Variants in MYO16 observed in about 807,000 individuals in gnomAD.
The protein encoded by MYO16 is myosin XVI, also known as unconventional myosin-XVI.
In MYO16, 94 loss-of-function variants were observed where a neutral mutation model predicts 205.3. The observed-to-expected ratio is 0.46, with a 90% CI of 0.39 to 0.54. MYO16 has a LOEUF of 0.54. MYO16 is among the 20% of genes least tolerant of loss of function. The pLI is 0.00. For synonymous variants in MYO16, 988 were observed against 954.0 expected (o/e 1.04, Z -0.66); for missense variants, 2,315 against 2,387.5 (o/e 0.97, Z 0.63).
At chr13:108,890,398 TC>T (rs1318313713) in intron 14 of MYO16, among the ~76,000 whole-genome samples, 2 of 152,176 alleles carry the variant, frequency 1.3e-5, no homozygotes, top group Non-Finnish European at 2.9e-5. Context: ...TCTTTCTTTT[TC>T]CATCCTTGGC....
At chr13:108,758,150 C>T (rs1220973063) in intron 4 of MYO16, among the ~76,000 whole-genome samples, 1 of 152,086 alleles carries the variant, frequency 6.6e-6, no homozygotes, top group Admixed American at 6.6e-5. Context: ...AATCTTCAGG[C>T]GACTTGGTCT....
At chr13:109,012,394 C>T (rs1194951503) in intron 22 of MYO16, among the ~76,000 whole-genome samples, 1 of 152,110 alleles carries the variant, frequency 6.6e-6, no homozygotes, top group East Asian at 1.9e-4. Flanking sequence ...TCAGTGGCAG[C>T]ATTAGGTTCT....
intron 13 of MYO16, among the ~76,000 whole-genome samples, chr13:108,887,913 G>A (rs1461140790): frequency 6.6e-6 from 1 of 151,798 alleles, no homozygotes; most frequent in East Asian, 1.9e-4. Flanking sequence ...TTTTCCCAAG[G>A]CCATGTGTGA....
At chr13:108,752,249 C>T (rs1885259766) in intron 4 of MYO16, among the ~76,000 whole-genome samples, 1 of 152,102 alleles carries the variant, frequency 6.6e-6, no homozygotes, top group Non-Finnish European at 1.5e-5. Context: ...GACCAAGTCT[C>T]ATTGTGACTT....
chr13:108,665,600 A>G (rs1277125259), intron 1 of MYO16, among the ~76,000 whole-genome samples: 1 of 152,210 alleles, frequency 6.6e-6, no homozygotes, highest in Non-Finnish European at 1.5e-5. Flanking sequence ...TTTGGGATGG[A>G]TTGAAAGAAA....
intron 28 of MYO16, among the ~76,000 whole-genome samples, 183 bp downstream of exon 28, chr13:109,101,070 TC>T (rs1450333416): frequency 1.3e-5 from 2 of 152,166 alleles, no homozygotes; most frequent in African/African-American, 4.8e-5. Context: ...GATTTTAACA[TC>T]TTGCAGCCAA....
intron 20 of MYO16, among the ~76,000 whole-genome samples, chr13:108,979,844 A>G (rs1884393983): frequency 6.6e-6 from 1 of 152,174 alleles, no homozygotes. Context: ...CATACAGATT[A>G]TAATACTTAA....
intron 33 of MYO16, among the ~76,000 whole-genome samples, chr13:109,168,872 A>C (rs1175901476): frequency 4.2e-5 from 6 of 143,264 alleles, no homozygotes; most frequent in Admixed American, 2.9e-4. Flanking sequence ...TTTGTGTATG[A>C]GTGGAAGGGG....
chr13:108,793,496 A>G lies in MYO16; in HGVS notation c.617-20A>G. On this transcript the variant is annotated intron_variant, in intron 5 of 34. Coordinates refer to ENST00000457511, the MANE Select transcript of MYO16 (RefSeq NM_001198950.3). ...AGAAGTATCTCTCCATTCTGGTTGA[A>G]AGGCTCTTTCTCCCCACAGGAGTGG... is the stretch of plus-strand genomic sequence containing the variant. 6.2e-7 allele frequency: 1 copy of G among 1,611,366 alleles called. No homozygotes were observed. Among genetic ancestry groups the G allele is most frequent in the South Asian group, 1.1e-5 (1 of 90,768 alleles).
chr13:108,627,539 CA>C (rs138889003), upstream of MYO16, among the ~76,000 whole-genome samples: 290 of 152,110 alleles, frequency 1.9e-3, 1 homozygote, highest in African/African-American at 6.7e-3. Context: ...TCTCTTATAG[CA>C]CAAAGAGTTG....
chr13:108,848,449 C>T (rs951066940), intron 10 of MYO16, among the ~76,000 whole-genome samples: 2 of 152,120 alleles, frequency 1.3e-5, no homozygotes, highest in Non-Finnish European at 2.9e-5. Flanking sequence ...TTTCTGCTTT[C>T]ACTACATAAC....
chr13:108,771,494 T>A (rs1331138969), intron 4 of MYO16, among the ~76,000 whole-genome samples: 1 of 152,024 alleles, frequency 6.6e-6, no homozygotes, highest in Non-Finnish European at 1.5e-5. Context: ...CCTTGACCTA[T>A]CGTTAGCACC....
chr13:108,699,777 T>C (rs1883229555), intron 2 of MYO16, among the ~76,000 whole-genome samples: 3 of 152,196 alleles, frequency 2.0e-5, no homozygotes, highest in South Asian at 2.1e-4. Context: ...TTTTCCATCT[T>C]ACAGAAACTT....
At chr13:108,867,360 C>T (rs1376560718) in intron 12 of MYO16, among the ~76,000 whole-genome samples, 1 of 151,810 alleles carries the variant, frequency 6.6e-6, no homozygotes, top group Admixed American at 6.6e-5. Context: ...ATTGAGATCC[C>T]GTCTCTAAAT....
chr13:108,820,497 T>A, intron 8 of MYO16, 85 bp downstream of exon 8: 1 of 1,146,714 alleles, frequency 8.7e-7, no homozygotes, highest in Non-Finnish European at 1.3e-6. Flanking sequence ...TCAGCACAGC[T>A]ACAAAGTGAG....
At chr13:109,020,416 TG>T (rs759977533) in intron 23 of MYO16, among the ~76,000 whole-genome samples, 21 of 152,310 alleles carry the variant, frequency 1.4e-4, no homozygotes, top group South Asian at 6.2e-4. Context: ...TGTATAAAAA[TG>T]ATCATTCTCC....
intron 12 of MYO16, among the ~76,000 whole-genome samples, chr13:108,879,708 T>C (rs1879507764): frequency 6.6e-6 from 1 of 152,252 alleles, no homozygotes. Flanking sequence ...TTTTTATGGC[T>C]GCATAGTATT....
chr13:109,022,153 A>C lies in MYO16; in HGVS notation c.2796+2242A>C, dbSNP rs1049690412. Among the ~76,000 whole-genome samples, 716 of 91,144 alleles carry C rather than the reference A, an allele frequency of 7.9e-3. 30 individuals carry two copies. The highest frequency in any genetic ancestry group is 0.039 in the African/African-American group (689 of 17,620). 59.8% of individuals were successfully genotyped at this position (91,144 alleles called of 152,430 possible). ...TATACATATATATATTTATATATACAAATTTATATATACAAATATATATTT... is the reference window on the plus strand; with the variant it reads ...TATACATATATATATTTATATATACCAATTTATATATACAAATATATATTT... On this transcript the variant is annotated intron_variant, in intron 23 of 34. Transcript: ENST00000457511.
At position 108,910,256 on chromosome 13, in the gene MYO16, A is replaced by G. The variant is rs1270730255; in HGVS notation, c.1925+106A>G. On this transcript the variant is annotated intron_variant, in intron 16 of 34. Transcript: ENST00000457511. ...ACTTTTCAGAGACAAAATGGTGAGT[A>G]AAAGATAACTGTTGGATACTGTTAG... 3.4e-5 allele frequency: 42 copies of G among 1,246,026 alleles called. 1 individual carries two copies. In the South Asian group the frequency reaches 5.1e-4, roughly 15 times the overall value. 77.2% of individuals were successfully genotyped at this position (1,246,026 alleles called of 1,614,324 possible). A position where few individuals can be genotyped will look rare whatever the true frequency, so the allele number is the denominator to read the frequency against.
Sources: allele counts gnomAD v4.1 joint callset (sites outside exome capture counted in the v4.1 genomes callset), GRCh38; gene constraint gnomAD v4.1.1; transcripts MANE v1.5; gene names NCBI Gene and HGNC (gene_info 2026-07-23, HGNC 2026-07-21).